The following KMT2E variants were observed in gnomAD, a reference collection of about 807,000 sequenced individuals.
KMT2E encodes the protein lysine methyltransferase 2E (inactive).
A neutral mutation model predicts 184.6 loss-of-function variants in KMT2E; 30 were observed. That is an observed-to-expected ratio of 0.16 (90% confidence interval 0.12 to 0.22). KMT2E has a LOEUF of 0.22. KMT2E is among the 10% of genes least tolerant of loss of function. KMT2E has a pLI of 1.00. For missense variants in KMT2E, 2,023 were observed against 2,237.4 expected (o/e 0.90, Z 1.93); for synonymous variants, 815 against 776.5 (o/e 1.05, Z -0.82).
chr7:105,111,598 A>C (rs1799281543), intron 26 of KMT2E, among the ~76,000 whole-genome samples: 1 of 152,168 alleles, frequency 6.6e-6, no homozygotes. Flanking sequence ...GTCTTCAATA[A>C]AAATTAACCC....
chr7:105,051,058 C>CTTTTCTTTCTTTCT (rs1796320267), intron 3 of KMT2E, among the ~76,000 whole-genome samples: 2 of 151,230 alleles, frequency 1.3e-5, no homozygotes, highest in Non-Finnish European at 3.0e-5. Context: ...TCTTTCTTTC[C>CTTTTCTTTCTTTCT]TTTTCTTTCT....
Position 105,070,012 on chromosome 7 carries a change from A to G in KMT2E, c.497+3205A>G, listed in dbSNP as rs74661925. ...CCTCCAATTTGTTGGATGTATCATG[A>G]TTTTGTTTCTTATTGCTGATAGTAT... On this transcript the variant is annotated intron_variant, in intron 6 of 26. Transcript: ENST00000311117. Among the ~76,000 whole-genome samples, 161 of 152,190 alleles carry G rather than the reference A, an allele frequency of 1.1e-3. 1 individual carries two copies. Among genetic ancestry groups the G allele is most frequent in the African/African-American group, 3.8e-3 (156 of 41,540 alleles).
In KMT2E at chr7:105,074,744, G is replaced by A. The variant is rs201601985; in HGVS notation, c.658G>A (p.Val220Ile). 2.2e-4 allele frequency: 359 copies of A among 1,610,758 alleles called. No homozygotes were observed. The highest frequency in any genetic ancestry group is 2.6e-4 in the Non-Finnish European group (305 of 1,178,830). Residue 220 changes from valine (V) to isoleucine (I), a missense_variant, in exon 8 of 27, where the codon GTT (valine) becomes ATT (isoleucine). By Grantham distance (29) the Val-to-Ile change is conservative (BLOSUM62 3). Coordinates refer to ENST00000311117, the MANE Select transcript of KMT2E (RefSeq NM_182931.3). ...PTSITLTASR[V>I]SKVNDKRRKK... ...ATCAATTACTTTAACTGCTTCAAGA[G>A]TTTCCAAAGTTAATGATAAAAGAAG... is the stretch of plus-strand genomic sequence containing the variant.
chr7:105,026,073 A>G (rs932155326), intron 1 of KMT2E, among the ~76,000 whole-genome samples: 1 of 152,202 alleles, frequency 6.6e-6, no homozygotes, highest in Non-Finnish European at 1.5e-5. Flanking sequence ...TGATAAGGAT[A>G]TTTTAAATTA....
At chr7:105,080,315 T>C (rs1214469051) in intron 12 of KMT2E, among the ~76,000 whole-genome samples, 1 of 152,180 alleles carries the variant, frequency 6.6e-6, no homozygotes, top group Non-Finnish European at 1.5e-5. Context: ...CGTGTTGGTT[T>C]TGTTTTTTAC....
intron 15 of KMT2E, among the ~76,000 whole-genome samples, chr7:105,092,395 C>A (rs1207863555): frequency 5.3e-5 from 8 of 151,934 alleles, no homozygotes; most frequent in Non-Finnish European, 2.9e-5. Context: ...GAGCAAGACT[C>A]CATCTCCAAA....
In KMT2E at chr7:105,077,363, C is replaced by G. The variant is rs1443055393; in HGVS notation, c.1060C>G (p.Leu354Val). The G allele has an allele frequency of 6.2e-7, 1 of 1,609,946 alleles. No homozygotes were observed. The highest frequency in any genetic ancestry group is 8.5e-7 in the Non-Finnish European group (1 of 1,176,774). ...TGCAAAAGATTTGCCTCCTGATGCA[C>G]TTATCATTGAATACAGAGGGAAGTT... ...KSAKDLPPDALIIEYRGKFML... is the reference protein window; with the variant it reads ...KSAKDLPPDAVIIEYRGKFML... The change falls in exon 11 of 27, where the codon CTT becomes GTT. Residue 354 changes from leucine (L) to valine (V), a missense_variant. Physicochemically the swap from Leu to Val is conservative, Grantham distance 32. Coordinates refer to ENST00000311117, the MANE Select transcript of KMT2E (RefSeq NM_182931.3).
intron 1 of KMT2E, among the ~76,000 whole-genome samples, chr7:105,023,532 C>T (rs1028946600): frequency 6.6e-6 from 1 of 151,196 alleles, no homozygotes; most frequent in Non-Finnish European, 1.5e-5. Context: ...GCAAGCTCCG[C>T]CTTCCGGGTT....
chr7:105,070,359 A>G (rs905262550), intron 6 of KMT2E, among the ~76,000 whole-genome samples: 1 of 152,046 alleles, frequency 6.6e-6, no homozygotes, highest in Non-Finnish European at 1.5e-5. Flanking sequence ...GGTTGGGCGC[A>G]GTGGCTCACA....
chr7:105,049,455 A>G (rs74607382), intron 3 of KMT2E, among the ~76,000 whole-genome samples: 1 of 152,050 alleles, frequency 6.6e-6, no homozygotes, highest in Non-Finnish European at 1.5e-5. Context: ...AAAAAAAAAA[A>G]ATAAAGTTCT....
intron 25 of KMT2E, 57 bp from the exon 26 acceptor site, chr7:105,110,714 T>TA (rs1034156297): frequency 6.3e-7 from 1 of 1,580,794 alleles, no homozygotes; most frequent in Non-Finnish European, 8.7e-7. Flanking sequence ...TTTGTGGTGT[T>TA]AAAACAGTGT....
At position 105,113,603 on chromosome 7, in the gene KMT2E, T is replaced by G; in HGVS notation, c.*270T>G. 3.3e-6 allele frequency: 1 copy of G among 302,068 alleles called. No individual in the cohort carries two copies. The highest frequency in any genetic ancestry group is 6.0e-6 in the Non-Finnish European group (1 of 165,854). 18.7% of individuals were successfully genotyped at this position (302,068 alleles called of 1,614,324 possible). A position where few individuals can be genotyped will look rare whatever the true frequency, so the allele number is the denominator to read the frequency against. The stretch of plus-strand genomic sequence containing the variant: ...TGCTGATTTGATGCTGTATGATCTT[T>G]TTTTTTTTTTTAGTTAAATTCATTT... On this transcript the variant is annotated 3_prime_UTR_variant, in exon 27 of 27. Transcript: ENST00000311117.
intron 6 of KMT2E, among the ~76,000 whole-genome samples, chr7:105,067,887 G>T (rs993047990): frequency 3.3e-5 from 5 of 152,092 alleles, no homozygotes; most frequent in African/African-American, 1.2e-4. Flanking sequence ...TGGGAGGATA[G>T]CCTGAGCCTG....
At chr7:105,108,489 A>G in intron 22 of KMT2E, 1 of 444,014 alleles carries the variant, frequency 2.3e-6, no homozygotes, top group Non-Finnish European at 4.5e-6. Flanking sequence ...TAGTAGGCTT[A>G]TTGCTTTGCA....
chr7:105,070,449 G>GGCAAGGCACCATT (rs1797235335), intron 6 of KMT2E, among the ~76,000 whole-genome samples: 1 of 151,520 alleles, frequency 6.6e-6, no homozygotes, highest in Non-Finnish European at 1.5e-5. Context: ...TAGGCAACAT[G>GGCAAGGCACCATT]GCAAGGCACC....
chr7:105,102,268 T>A, intron 17 of KMT2E, 74 bp downstream of exon 17: 2 of 1,367,382 alleles, frequency 1.5e-6, no homozygotes, highest in South Asian at 2.9e-5. Flanking sequence ...TTTTAAAAAT[T>A]GGATTTTTAA....
chr7:105,028,979 C>CT, intron 1 of KMT2E, among the ~76,000 whole-genome samples: 1 of 152,184 alleles, frequency 6.6e-6, no homozygotes, highest in Non-Finnish European at 1.5e-5. Context: ...GAAAACTACT[C>CT]TAAGGCCGGG....
intron 3 of KMT2E, among the ~76,000 whole-genome samples, chr7:105,060,873 T>C (rs1796788384): frequency 6.6e-6 from 1 of 152,254 alleles, no homozygotes; most frequent in Non-Finnish European, 1.5e-5. Context: ...GCAATAGTTA[T>C]GCCATTTAGC....
At chr7:105,066,699 A>T in intron 5 of KMT2E, 28 bp from the exon 6 acceptor site, 1 of 1,517,506 alleles carries the variant, frequency 6.6e-7, no homozygotes, top group Non-Finnish European at 9.1e-7. Flanking sequence ...AAATAATATT[A>T]CATATGTTCT....
Sources: gnomAD v4.1 joint callset for allele counts (sites outside exome capture counted in the v4.1 genomes callset) on GRCh38, gnomAD v4.1.1 for gene constraint, MANE v1.5 for transcripts, NCBI Gene and HGNC (gene_info 2026-07-23, HGNC 2026-07-21) for gene names.